The following KIAA1217 variants were observed in gnomAD, a reference collection of about 807,000 sequenced individuals.
KIAA1217 encodes sickle tail protein homolog.
In KIAA1217, 88 loss-of-function variants were observed where a neutral mutation model predicts 163.9. The observed-to-expected ratio is 0.54, with a 90% CI of 0.45 to 0.64. KIAA1217 has a LOEUF of 0.64. KIAA1217 is among the 30% of genes least tolerant of loss of function. The pLI is 0.00. For missense variants in KIAA1217, 2,372 were observed against 2,475.0 expected (o/e 0.96, Z 0.88); for synonymous variants, 903 against 923.1 (o/e 0.98, Z 0.39).
chr10:23,898,326 C>CAT (rs1491031092), intron 1 of KIAA1217, among the ~76,000 whole-genome samples: 3 of 147,210 alleles, frequency 2.0e-5, no homozygotes, highest in Non-Finnish European at 4.5e-5. Context: ...CACACACACA[C>CAT]ATATATATAA....
intron 2 of KIAA1217, among the ~76,000 whole-genome samples, chr10:24,342,097 A>G (rs1177797469): frequency 6.6e-6 from 1 of 152,220 alleles, no homozygotes; most frequent in Non-Finnish European, 1.5e-5. Flanking sequence ...AGTACAGTAC[A>G]CTGTACACGT....
intron 1 of KIAA1217, among the ~76,000 whole-genome samples, chr10:23,802,391 C>T (rs1043559773): frequency 1.5e-4 from 23 of 152,304 alleles, no homozygotes; most frequent in African/African-American, 5.3e-4. Context: ...AACATGGCCA[C>T]ATGAATGTTC....
At chr10:24,239,697 TTGTG>T (rs371741568) in intron 2 of KIAA1217, among the ~76,000 whole-genome samples, 18 of 81,084 alleles carry the variant, frequency 2.2e-4, no homozygotes, top group East Asian at 4.4e-4. Flanking sequence ...GTGTGTGTGT[TTGTG>T]TGTGTGTGTG....
At chr10:24,412,284 C>T (rs920373125) in intron 3 of KIAA1217, among the ~76,000 whole-genome samples, 3 of 152,152 alleles carry the variant, frequency 2.0e-5, no homozygotes, top group Admixed American at 6.6e-5. Flanking sequence ...CTTCAGCAAT[C>T]ATTTGGGACT....
intron 1 of KIAA1217, among the ~76,000 whole-genome samples, chr10:23,732,496 T>C (rs1838530424): frequency 6.6e-6 from 1 of 152,164 alleles, no homozygotes; most frequent in African/African-American, 2.4e-5. Flanking sequence ...ATTTATAGTA[T>C]ACAGGAGGAT....
At chr10:24,371,310 T>A (rs2051615154) in intron 2 of KIAA1217, among the ~76,000 whole-genome samples, 1 of 151,888 alleles carries the variant, frequency 6.6e-6, no homozygotes. Flanking sequence ...CCAAACCTCT[T>A]CAAGGGAAAA....
chr10:24,510,271 T>C (rs1478306253), intron 9 of KIAA1217, among the ~76,000 whole-genome samples: 6 of 152,192 alleles, frequency 3.9e-5, no homozygotes. Context: ...CCTTTCAATT[T>C]TATGAATTTT....
chr10:23,714,252 T>TA (rs1299865645), intron 1 of KIAA1217, among the ~76,000 whole-genome samples: 3,027 of 152,234 alleles, frequency 0.02, 115 homozygotes, highest in African/African-American at 0.068. Flanking sequence ...ATAACTTGCT[T>TA]ACTAACCATT....
intron 6 of KIAA1217, among the ~76,000 whole-genome samples, chr10:24,487,826 GA>G (rs1564780563): frequency 6.6e-6 from 1 of 152,150 alleles, no homozygotes; most frequent in African/African-American, 2.4e-5. Context: ...GAGGACATAG[GA>G]AGAAATAGAA....
chr10:23,915,856 A>G (rs1314107689), intron 1 of KIAA1217, among the ~76,000 whole-genome samples: 4 of 152,148 alleles, frequency 2.6e-5, no homozygotes, highest in Non-Finnish European at 5.9e-5. Context: ...GCTCGTAGAC[A>G]GTATCTGCTT....
chr10:23,825,733 T>A (rs1837865879), intron 1 of KIAA1217, among the ~76,000 whole-genome samples: 1 of 152,220 alleles, frequency 6.6e-6, no homozygotes, highest in Admixed American at 6.5e-5. Context: ...AAATATTCAA[T>A]TCGCCACAGA....
chr10:24,181,193 G>A (rs1180377947), intron 2 of KIAA1217, among the ~76,000 whole-genome samples: 6 of 152,182 alleles, frequency 3.9e-5, no homozygotes, highest in Non-Finnish European at 8.8e-5. Context: ...ATATGATGTC[G>A]GTTACAAAGG....
chr10:23,919,767 C>G (rs16924065), intron 1 of KIAA1217, among the ~76,000 whole-genome samples: 2,397 of 152,232 alleles, frequency 0.016, 77 homozygotes, highest in African/African-American at 0.053. Flanking sequence ...GTTCCAAACC[C>G]TATTCTTTCG....
chr10:23,819,658 A>T (rs377337916), intron 1 of KIAA1217, among the ~76,000 whole-genome samples: 1 of 152,234 alleles, frequency 6.6e-6, no homozygotes, highest in Non-Finnish European at 1.5e-5. Context: ...AGTTTTGCCC[A>T]TAGACACAAA....
intron 2 of KIAA1217, among the ~76,000 whole-genome samples, chr10:24,018,438 T>A (rs1379821117): frequency 6.6e-6 from 1 of 152,096 alleles, no homozygotes; most frequent in African/African-American, 2.4e-5. Flanking sequence ...GAGCTTTTAT[T>A]AGGAGATATA....
chr10:24,484,241 A>ATATATATATATATATATTTTT (rs1376083298), intron 6 of KIAA1217, among the ~76,000 whole-genome samples: 1 of 75,146 alleles, frequency 1.3e-5, no homozygotes, highest in East Asian at 4.5e-4. Context: ...ATATATATAT[A>ATATATATATATATATATTTTT]TTTTTTTTTT....
At chr10:24,150,104 G>A (rs868857616) in intron 2 of KIAA1217, among the ~76,000 whole-genome samples, 1 of 152,178 alleles carries the variant, frequency 6.6e-6, no homozygotes, top group African/African-American at 2.4e-5. Context: ...TGCAACCTCT[G>A]TCTCCTGGGT....
intron 2 of KIAA1217, among the ~76,000 whole-genome samples, chr10:24,286,341 A>G (rs1228865277): frequency 6.6e-6 from 1 of 152,094 alleles, no homozygotes; most frequent in Non-Finnish European, 1.5e-5. Flanking sequence ...TCTTAACTTC[A>G]TAGATTTTAA....
At chr10:24,307,328 T>TA (rs1267671869) in intron 2 of KIAA1217, among the ~76,000 whole-genome samples, 6 of 152,312 alleles carry the variant, frequency 3.9e-5, no homozygotes, top group Admixed American at 2.6e-4. Context: ...TAGTGGGTGT[T>TA]ATTAATCATT....
Sources: gnomAD v4.1 joint callset for allele counts (sites outside exome capture counted in the v4.1 genomes callset) on GRCh38, gnomAD v4.1.1 for gene constraint, MANE v1.5 for transcripts, NCBI Gene and HGNC (gene_info 2026-07-23, HGNC 2026-07-21) for gene names.